Variants in DDX19A observed in about 807,000 individuals in gnomAD.
DDX19A encodes the protein DEAD-box helicase 19A.
DDX19A carries 12 observed loss-of-function variants against 60.6 expected under a neutral mutation model. That is an observed-to-expected ratio of 0.20 (90% CI 0.13 to 0.32). The LOEUF (loss-of-function observed/expected upper bound fraction) is 0.32. Among genes scored for constraint, DDX19A ranks in the 10% least tolerant of loss-of-function variants. The probability of loss-of-function intolerance (pLI) is 1.00; values close to 1 mark genes in which losing one functional copy is unlikely to be tolerated. For missense variants in DDX19A, 337 were observed against 600.6 expected (o/e 0.56, Z 4.59); for synonymous variants, 206 against 218.2 (o/e 0.94, Z 0.49).
intron 1 of DDX19A, chr16:70,347,280 A>G (rs1206486485): frequency 3.5e-6 from 2 of 571,038 alleles, no homozygotes; most frequent in African/African-American, 1.9e-5. Context: ...CCGCCCCACT[A>G]TGCATGCTGT....
In DDX19A at chr16:70,366,230, G is replaced by A. The variant is rs1454625476; in HGVS notation, c.750G>A (p.Gln250=). 3 of 1,614,086 alleles carry A rather than the reference G, an allele frequency of 1.9e-6. No homozygotes were observed. In the South Asian group the frequency reaches 3.3e-5, roughly 18 times the overall value. Reference sequence around the variant, plus strand: ...AGGCTGATGTCATGATAGCCACTCAGGGCCACCAAGATCAGAGCATCCGCA... The same window carrying A: ...AGGCTGATGTCATGATAGCCACTCAAGGCCACCAAGATCAGAGCATCCGCA... ...LDEADVMIAT[Q]GHQDQSIRIQ... is the part of the protein sequence containing the mutation. Residue 250 remains glutamine (Q), a synonymous_variant, in exon 8 of 12, where the codon CAG becomes CAA. Transcript: ENST00000302243.
At chr16:70,361,201 T>A (rs184186059) in intron 4 of DDX19A, among the ~76,000 whole-genome samples, 19 of 152,362 alleles carry the variant, frequency 1.2e-4, no homozygotes, top group Admixed American at 3.3e-4. Context: ...CTGTATTTTA[T>A]GAATTATAGA....
chr16:70,360,385 A>G (rs527746126), intron 4 of DDX19A, among the ~76,000 whole-genome samples: 6 of 146,598 alleles, frequency 4.1e-5, no homozygotes, highest in African/African-American at 1.0e-4. Context: ...CAGCGGGGCA[A>G]TCATGGCTCG....
At chr16:70,357,362 GTTTGTTTTTTTTTTTTTTTT>G (rs1964235385) in intron 4 of DDX19A, among the ~76,000 whole-genome samples, 6 of 48,864 alleles carry the variant, frequency 1.2e-4, no homozygotes, top group East Asian at 6.7e-4. Flanking sequence ...TCTGTTTTTG[GTTTGTTTTTTTTTTTTTTTT>G]TTTTTTTTTT....
chr16:70,354,759 A>C (rs1431933254), intron 2 of DDX19A, among the ~76,000 whole-genome samples: 1 of 152,110 alleles, frequency 6.6e-6, no homozygotes, highest in Non-Finnish European at 1.5e-5. Flanking sequence ...GCTGGGCAAC[A>C]TGGCAAGACT....
In DDX19A at chr16:70,351,673, C is replaced by T. The variant is rs562780018; in HGVS notation, c.106+1068C>T. Among the ~76,000 whole-genome samples, 1,178 of 151,746 alleles carry T rather than the reference C, an allele frequency of 7.8e-3. 13 individuals are homozygous for T. The highest frequency in any genetic ancestry group is 0.027 in the African/African-American group (1,109 of 41,368). ...CCAAGTAGCTGGGACTACAGGCGCC[C>T]GCCACCATGCCCAGCTAATTTTTTT... On this transcript the variant is annotated intron_variant, in intron 2 of 11. Transcript: ENST00000302243.
In DDX19A at chr16:70,356,254, A is replaced by G. The variant is rs1964181353; in HGVS notation, c.293+7A>G. The stretch of plus-strand genomic sequence containing the variant: ...CGTTTGAAGAGCTTCGGCTGTGAGT[A>G]TTCGCTCCTTTCAACAGCTCTTCGT... On this transcript the variant is annotated splice_region_variant and intron_variant, in intron 4 of 11. Transcript: ENST00000302243. 1 of 1,614,062 alleles carries G rather than the reference A, an allele frequency of 6.2e-7. No individual in the cohort carries two copies. Among genetic ancestry groups the G allele is most frequent in the Non-Finnish European group, 8.5e-7 (1 of 1,180,042 alleles).
At chr16:70,352,365 A>G (rs1376052301) in intron 2 of DDX19A, among the ~76,000 whole-genome samples, 1 of 149,936 alleles carries the variant, frequency 6.7e-6, no homozygotes, top group Non-Finnish European at 1.5e-5. Flanking sequence ...GCTCACTCCA[A>G]CCTCCGCCTC....
chr16:70,366,486 G>A, intron 8 of DDX19A, 138 bp from the exon 9 acceptor site: 1 of 1,320,538 alleles, frequency 7.6e-7, no homozygotes. Flanking sequence ...CCCCATCCCA[G>A]GCCTGCTGCT....
intron 10 of DDX19A, chr16:70,370,925 G>C: frequency 4.4e-6 from 1 of 225,476 alleles, no homozygotes; most frequent in Non-Finnish European, 8.8e-6. Context: ...GAACCCGGGA[G>C]GTGGAGGTTA....
At chr16:70,350,780 A>G (rs570123959) in intron 2 of DDX19A, among the ~76,000 whole-genome samples, 175 bp downstream of exon 2, 22 of 135,136 alleles carry the variant, frequency 1.6e-4, no homozygotes, top group African/African-American at 5.1e-4. Flanking sequence ...TTATCCTTTG[A>G]CTTCTTAAAA....
At chr16:70,364,782 C>T in intron 6 of DDX19A, 137 bp downstream of exon 6, 2 of 716,766 alleles carry the variant, frequency 2.8e-6, no homozygotes, top group Non-Finnish European at 4.8e-6. Flanking sequence ...CTACACCAGG[C>T]CCTGACCTGG....
In DDX19A at chr16:70,355,394, A is replaced by G. The variant is rs112015071; in HGVS notation, c.107-91A>G. 1,057 of 987,990 alleles carry G rather than the reference A, an allele frequency of 1.1e-3. 7 individuals are homozygous for G. The African/African-American group carries it at 0.014, about 13-fold the overall frequency. 61.2% of individuals were successfully genotyped at this position (987,990 alleles called of 1,614,324 possible). On this transcript the variant is annotated intron_variant, in intron 2 of 11. Transcript: ENST00000302243. ...TCCGTCTGAAAAATAAAAAAATAAA[A>G]TAAATTTCAGTGTATTTATTTATAT...
intron 5 of DDX19A, chr16:70,364,123 C>T (rs1249143115): frequency 1.3e-5 from 2 of 157,524 alleles, no homozygotes; most frequent in African/African-American, 4.8e-5. Context: ...ATCCACCTGA[C>T]TTAGCATCTT....
In DDX19A at chr16:70,373,230, C is replaced by A. The variant is rs2047308847; in HGVS notation, c.*1244C>A. On this transcript the variant is annotated 3_prime_UTR_variant, in exon 12 of 12. Coordinates refer to ENST00000302243, the MANE Select transcript of DDX19A (RefSeq NM_018332.5). Reference sequence around the variant, plus strand: ...CCTGGGTAACAGAGCGAGACCCCGACTCAATAAATAAATAAGGATGGATAA... The same window carrying A: ...CCTGGGTAACAGAGCGAGACCCCGAATCAATAAATAAATAAGGATGGATAA... The A allele has an allele frequency of 6.6e-6, 1 of 152,142 alleles. No individual in the cohort carries two copies. Among genetic ancestry groups the A allele is most frequent in the East Asian group, 1.9e-4 (1 of 5,208 alleles). The allele number at this position is 152,142 out of a possible 1,614,324, so 9.4% of individuals were successfully genotyped here.
chr16:70,370,207 G>GTTTTT lies in DDX19A; in HGVS notation c.1021-12_1021-8dup. The GTTTTT allele has an allele frequency of 6.2e-7, 1 of 1,603,702 alleles. No homozygotes were observed. Among genetic ancestry groups the GTTTTT allele is most frequent in the Non-Finnish European group, 8.5e-7 (1 of 1,177,166 alleles). ...ACTCAAATACTTTCATTTCTCAATT[G>GTTTTT]TTTTTTTTCTTCCAGACTCGCAAAA... On this transcript the variant is annotated splice_polypyrimidine_tract_variant and intron_variant, in intron 9 of 11. Coordinates refer to ENST00000302243, the MANE Select transcript of DDX19A (RefSeq NM_018332.5).
chr16:70,372,951 G>C lies in DDX19A; in HGVS notation c.*965G>C, dbSNP rs2047300410. 6.6e-6 allele frequency: 1 copy of C among 152,268 alleles called. No individual in the cohort carries two copies. Among genetic ancestry groups the C allele is most frequent in the African/African-American group, 2.4e-5 (1 of 41,460 alleles). The allele number at this position is 152,268 out of a possible 1,614,324, so 9.4% of individuals were successfully genotyped here. On this transcript the variant is annotated 3_prime_UTR_variant, in exon 12 of 12. Coordinates refer to ENST00000302243, the MANE Select transcript of DDX19A (RefSeq NM_018332.5). ...TACATAATATGAATAAGGATGGATA[G>C]GCCGGGCGTGGTGGCTCATGCCTAT...
chr16:70,360,321 CTTTT>C (rs1555552998), intron 4 of DDX19A, among the ~76,000 whole-genome samples: 1 of 133,490 alleles, frequency 7.5e-6, no homozygotes, highest in Non-Finnish European at 1.6e-5. Context: ...TTCTTTCTTT[CTTTT>C]TTTTTTTTTT....
Position 70,365,452 on chromosome 16 carries a change from C to T in DDX19A, c.604+321C>T, listed in dbSNP as rs117189139. 4.9e-4 allele frequency: 102 copies of T among 209,058 alleles called. 2 individuals carry two copies. In the East Asian group the frequency reaches 0.013, roughly 27 times the overall value. The allele number at this position is 209,058 out of a possible 1,614,324, so 13.0% of individuals were successfully genotyped here. On this transcript the variant is annotated intron_variant, in intron 7 of 11. Coordinates refer to ENST00000302243, the MANE Select transcript of DDX19A (RefSeq NM_018332.5). ...GGACCTGCTACCAAAGAGGGATTAACAGGACTGAGGATGGAAGGTTGGGGT... is the reference window on the plus strand; with the variant it reads ...GGACCTGCTACCAAAGAGGGATTAATAGGACTGAGGATGGAAGGTTGGGGT...
Sources: allele counts gnomAD v4.1 joint callset (sites outside exome capture counted in the v4.1 genomes callset), GRCh38; gene constraint gnomAD v4.1.1; transcripts MANE v1.5; gene names NCBI Gene and HGNC (gene_info 2026-07-23, HGNC 2026-07-21).